Variants in KHDC4 observed in about 807,000 individuals in gnomAD.
The protein encoded by KHDC4 is KH homology domain-containing protein 4.
In KHDC4, 19 loss-of-function variants were observed where a neutral mutation model predicts 74.5. The ratio of observed to expected loss-of-function variants is 0.26; its 90% CI spans 0.18 to 0.37. The LOEUF is 0.37. KHDC4 is among the 10% of genes least tolerant of loss of function. The pLI, the probability that KHDC4 is intolerant of heterozygous loss-of-function variation, is 1.00. For synonymous variants in KHDC4, 253 were observed against 266.1 expected, an observed-to-expected ratio of 0.95 and a Z score of 0.48; for missense variants, 632 against 754.1, an observed-to-expected ratio of 0.84 and a Z score of 1.90.
Position 155,934,391 on chromosome 1 carries a change from A to T in KHDC4, c.-18T>A. 6.2e-7 allele frequency: 1 copy of T among 1,611,540 alleles called. No individual in the cohort carries two copies. Among genetic ancestry groups the T allele is most frequent in the South Asian group, 1.1e-5 (1 of 91,002 alleles). On this transcript the variant is annotated 5_prime_UTR_variant, in exon 1 of 14. Coordinates refer to ENST00000368321, the MANE Select transcript of KHDC4 (RefSeq NM_014949.4). ...GCGGACATGGCGACCGCTTCTACTC[A>T]ACCACCCGCCAACTATCCGACTACC...
At position 155,927,832 on chromosome 1, in the gene KHDC4, CCACACACA is replaced by C. The variant is rs199711249; in HGVS notation, c.465-684_465-677del. 4.8e-3 allele frequency among the ~76,000 whole-genome samples: 438 copies of C among 90,916 alleles called. 4 individuals carry two copies. Among genetic ancestry groups the C allele is most frequent in the African/African-American group, 0.021 (400 of 19,212 alleles). 59.6% of individuals were successfully genotyped at this position (90,916 alleles called of 152,430 possible). On this transcript the variant is annotated intron_variant, in intron 4 of 13. Transcript: ENST00000368321. Reference sequence around the variant, plus strand: ...AAAAAAAAAAAAAAAAAAAAAAAAACCACACACACACACACACACACACACACACACAC... The same window carrying C: ...AAAAAAAAAAAAAAAAAAAAAAAAACCACACACACACACACACACACACAC...
chr1:155,920,410 C>T (rs1673835211), intron 10 of KHDC4, among the ~76,000 whole-genome samples: 1 of 151,946 alleles, frequency 6.6e-6, no homozygotes, highest in Admixed American at 6.6e-5. Flanking sequence ...GCACTCCAGC[C>T]TGGGCAACAG....
At chr1:155,923,562 C>T in intron 8 of KHDC4, 65 bp downstream of exon 8, 1 of 1,216,084 alleles carries the variant, frequency 8.2e-7, no homozygotes, top group Non-Finnish European at 1.2e-6. Flanking sequence ...GTGAAAGAAA[C>T]AGCTAAGACA....
intron 1 of KHDC4, 56 bp from the exon 2 acceptor site, chr1:155,933,905 T>C (rs1384673546): frequency 7.3e-7 from 1 of 1,364,874 alleles, no homozygotes; most frequent in Admixed American, 2.7e-5. Context: ...ATGTTATTCT[T>C]TCCTTACTAC....
intron 10 of KHDC4, among the ~76,000 whole-genome samples, chr1:155,918,438 C>CA (rs1202775016): frequency 6.6e-6 from 1 of 152,140 alleles, no homozygotes; most frequent in Admixed American, 6.6e-5. Context: ...CTCAGCTTCC[C>CA]AAAGTGCTGG....
intron 4 of KHDC4, among the ~76,000 whole-genome samples, chr1:155,928,008 AAAG>A (rs1674055863): frequency 6.6e-6 from 1 of 152,120 alleles, no homozygotes; most frequent in South Asian, 2.1e-4. Context: ...TAGTTAATAA[AAAG>A]TAGCAGGTAA....
intron 4 of KHDC4, among the ~76,000 whole-genome samples, chr1:155,927,832 C>CCACACACACACACACACACA (rs199711249): frequency 1.5e-4 from 14 of 90,936 alleles, no homozygotes; most frequent in South Asian, 3.6e-4. Flanking sequence ...AAAAAAAAAA[C>CCACACACACACACACACACA]CACACACACA....
chr1:155,925,596 A>G (rs1324672785), intron 7 of KHDC4, 36 bp downstream of exon 7: 1 of 1,562,498 alleles, frequency 6.4e-7, no homozygotes, highest in East Asian at 2.2e-5. Flanking sequence ...ACAAGTTGAC[A>G]AGAATTCACA....
chr1:155,926,423 G>A (rs1025932634), intron 6 of KHDC4: 31 of 388,072 alleles, frequency 8.0e-5, no homozygotes, highest in Non-Finnish European at 1.1e-4. Context: ...TCCACCTCCC[G>A]GCTTCAAGCA....
At chr1:155,926,609 G>T in intron 6 of KHDC4, 67 bp downstream of exon 6, 1 of 1,545,824 alleles carries the variant, frequency 6.5e-7, no homozygotes, top group Non-Finnish European at 8.9e-7. Flanking sequence ...GAGCCACTGT[G>T]CCTGGCCAGC....
Position 155,934,329 on chromosome 1 carries a change from G to A in KHDC4, c.38+7C>T. 1 of 1,608,608 alleles carries A rather than the reference G, an allele frequency of 6.2e-7. No homozygotes were observed. Among genetic ancestry groups the A allele is most frequent in the Non-Finnish European group, 8.5e-7 (1 of 1,179,770 alleles). On this transcript the variant is annotated splice_region_variant and intron_variant, in intron 1 of 13. Coordinates refer to ENST00000368321, the MANE Select transcript of KHDC4 (RefSeq NM_014949.4). ...TCGCTCCGATGCCCTCGCCCCTGAA[G>A]CCGTACCCGCCAGCTCCAGGATGTG... is the stretch of plus-strand genomic sequence containing the variant.
rs1674197658 is a variant in KHDC4 at position 155,933,936 on chromosome 1, C to T, written c.39-87G>A. On this transcript the variant is annotated intron_variant, in intron 1 of 13. Transcript: ENST00000368321. ...ACTACGCCTTAGCACCCCATTTTCC[C>T]TCTATTATATTCCATTTACACCTCC... 7 of 1,082,922 alleles carry T rather than the reference C, an allele frequency of 6.5e-6. No individual in the cohort carries two copies. The South Asian group carries it at 1.2e-4, about 19-fold the overall frequency. The allele number at this position is 1,082,922 out of a possible 1,614,324, so 67.1% of individuals were successfully genotyped here.
chr1:155,917,704 AG>A lies in KHDC4; in HGVS notation c.1267-33del. The A allele has an allele frequency of 3.4e-6, 5 of 1,453,338 alleles. No individual in the cohort carries two copies. In the South Asian group the frequency reaches 7.1e-5, roughly 21 times the overall value. The allele number at this position is 1,453,338 out of a possible 1,614,324, so 90.0% of individuals were successfully genotyped here. ...CCAAAACAAACCAAGGAAGAAAAAA[AG>A]TGTGAGAATGCCCAAGGAATAAGTA... On this transcript the variant is annotated intron_variant, in intron 10 of 13. Transcript: ENST00000368321.
In KHDC4 at chr1:155,917,364, A is replaced by T. The variant is rs1057477425; in HGVS notation, c.1440+135T>A. The T allele has an allele frequency of 7.5e-6, 6 of 795,084 alleles. No homozygotes were observed. The Middle Eastern group carries it at 1.5e-3, about 199-fold the overall frequency. 49.3% of individuals were successfully genotyped at this position (795,084 alleles called of 1,614,324 possible). Reference sequence around the variant, plus strand: ...CTTTCAAGAGTCTGTTGAATAGGATAAAAAACCTAACCAAAATGAATTCCA... The same window carrying T: ...CTTTCAAGAGTCTGTTGAATAGGATTAAAAACCTAACCAAAATGAATTCCA... On this transcript the variant is annotated intron_variant, in intron 11 of 13. Transcript: ENST00000368321.
intron 2 of KHDC4, among the ~76,000 whole-genome samples, chr1:155,931,065 T>C (rs1472504754): frequency 6.6e-6 from 1 of 151,764 alleles, no homozygotes; most frequent in African/African-American, 2.4e-5. Context: ...CTCACATCTG[T>C]AATCCTAGCA....
At chr1:155,933,981 A>G in intron 1 of KHDC4, 132 bp from the exon 2 acceptor site, 1 of 712,256 alleles carries the variant, frequency 1.4e-6, no homozygotes, top group Non-Finnish European at 2.2e-6. Flanking sequence ...TCCAAATCTA[A>G]AACTCCCCTC....
At chr1:155,920,541 T>C (rs568322063) in intron 10 of KHDC4, among the ~76,000 whole-genome samples, 5 of 152,210 alleles carry the variant, frequency 3.3e-5, no homozygotes, top group Non-Finnish European at 7.3e-5. Context: ...TACATAATGT[T>C]GCTTTTTAAA....
chr1:155,931,995 T>C (rs993376123), intron 2 of KHDC4, among the ~76,000 whole-genome samples: 19 of 152,240 alleles, frequency 1.2e-4, no homozygotes, highest in African/African-American at 4.6e-4. Flanking sequence ...CACATGTGTC[T>C]CTTGAGCACT....
chr1:155,914,528 T>A, intron 13 of KHDC4: 1 of 436,872 alleles, frequency 2.3e-6, no homozygotes, highest in Admixed American at 4.2e-5. Flanking sequence ...ACCAGAACCA[T>A]GTAAGAAAAC....
Sources: allele counts gnomAD v4.1 joint callset (sites outside exome capture counted in the v4.1 genomes callset), GRCh38; gene constraint gnomAD v4.1.1; transcripts MANE v1.5; gene names NCBI Gene and HGNC (gene_info 2026-07-23, HGNC 2026-07-21).